Variants in ETV6 observed in about 807,000 individuals in gnomAD.
ETV6 encodes the protein ETS variant transcription factor 6.
Under a neutral mutation model 51.1 loss-of-function variants are expected in ETV6, and 16 were observed. That is an observed-to-expected ratio of 0.31 (90% CI 0.21 to 0.48). The LOEUF is 0.48. Ranked by LOEUF, ETV6 falls within the 20% of genes least tolerant of loss-of-function variation. ETV6 has a pLI of 0.99. For missense variants in ETV6, 458 were observed against 594.8 expected, an observed-to-expected ratio of 0.77 and a Z score of 2.39; for synonymous variants, 240 against 224.1, an observed-to-expected ratio of 1.07 and a Z score of -0.64.
intron 2 of ETV6, among the ~76,000 whole-genome samples, chr12:11,830,971 C>G (rs1203762105): frequency 6.6e-6 from 1 of 152,122 alleles, no homozygotes; most frequent in Non-Finnish European, 1.5e-5. Flanking sequence ...GTTTTCTTGA[C>G]TTAAGACAAA....
chr12:11,746,339 T>A (rs1194124872), intron 1 of ETV6, among the ~76,000 whole-genome samples: 1 of 152,240 alleles, frequency 6.6e-6, no homozygotes, highest in Non-Finnish European at 1.5e-5. Context: ...AGCTAGTGAC[T>A]GGAACTGCGG....
intron 1 of ETV6, among the ~76,000 whole-genome samples, chr12:11,672,841 A>G (rs1864345809): frequency 1.3e-5 from 2 of 152,330 alleles, no homozygotes; most frequent in South Asian, 4.1e-4. Flanking sequence ...GGGTGAGGGT[A>G]GGAAGGCGGT....
chr12:11,876,239 G>A lies in ETV6; in HGVS notation c.1009+6270G>A, dbSNP rs373541093. 4.1e-4 allele frequency among the ~76,000 whole-genome samples: 62 copies of A among 152,256 alleles called. 1 individual carries two copies. The South Asian group carries it at 0.011, about 27-fold the overall frequency. ...AATAAAATACTAAGTATTTAGCTACGTAAAAGAAACGATTTATTTGCACTT... is the reference window on the plus strand; with the variant it reads ...AATAAAATACTAAGTATTTAGCTACATAAAAGAAACGATTTATTTGCACTT... On this transcript the variant is annotated intron_variant, in intron 5 of 7. Coordinates refer to ENST00000396373, the MANE Select transcript of ETV6 (RefSeq NM_001987.5).
At chr12:11,682,829 G>A (rs939317000) in intron 1 of ETV6, among the ~76,000 whole-genome samples, 1 of 152,130 alleles carries the variant, frequency 6.6e-6, no homozygotes, top group Non-Finnish European at 1.5e-5. Context: ...TATTAAATAG[G>A]GAATCCTTTC....
chr12:11,752,376 A>G (rs954053344), intron 1 of ETV6, 74 bp from the exon 2 acceptor site: 7 of 1,526,722 alleles, frequency 4.6e-6, no homozygotes, highest in Non-Finnish European at 6.2e-6. Context: ...CCACCCCGAG[A>G]TGGTCTCATA....
intron 2 of ETV6, among the ~76,000 whole-genome samples, chr12:11,836,600 G>A (rs1946319897): frequency 6.6e-6 from 1 of 152,148 alleles, no homozygotes; most frequent in Admixed American, 6.5e-5. Flanking sequence ...TGTTTGGAGT[G>A]TGACTCTTCT....
At position 11,812,465 on chromosome 12, in the gene ETV6, T is replaced by C. The variant is rs146633547; in HGVS notation, c.164-26675T>C. Among the ~76,000 whole-genome samples, 725 of 152,318 alleles carry C rather than the reference T, an allele frequency of 4.8e-3. 2 individuals carry two copies. The highest frequency in any genetic ancestry group is 7.5e-3 in the Non-Finnish European group (509 of 68,026). Reference sequence around the variant, plus strand: ...CTTTAGCTCACTCCTCCCCCTGTGCTCACTCACATACTCAAATATATTTAG... The same window carrying C: ...CTTTAGCTCACTCCTCCCCCTGTGCCCACTCACATACTCAAATATATTTAG... On this transcript the variant is annotated intron_variant, in intron 2 of 7. Transcript: ENST00000396373.
intron 2 of ETV6, among the ~76,000 whole-genome samples, chr12:11,815,277 A>T (rs957538137): frequency 6.6e-6 from 1 of 152,234 alleles, no homozygotes; most frequent in African/African-American, 2.4e-5. Context: ...GCTGAGTCCT[A>T]TCCAAGCAAG....
chr12:11,693,203 G>A (rs1864800591), intron 1 of ETV6, among the ~76,000 whole-genome samples: 1 of 152,132 alleles, frequency 6.6e-6, no homozygotes, highest in African/African-American at 2.4e-5. Flanking sequence ...GGCACATGGG[G>A]CGGACGATTT....
At chr12:11,785,459 AC>A (rs1356317086) in intron 2 of ETV6, among the ~76,000 whole-genome samples, 2 of 152,100 alleles carry the variant, frequency 1.3e-5, no homozygotes, top group Non-Finnish European at 2.9e-5. Context: ...TGATTTCCTG[AC>A]TAGGATGTAA....
chr12:11,668,597 C>T (rs1226431019), intron 1 of ETV6, among the ~76,000 whole-genome samples: 1 of 152,100 alleles, frequency 6.6e-6, no homozygotes, highest in East Asian at 1.9e-4. Flanking sequence ...TTCTGAACTT[C>T]TTCGATTTTT....
intron 1 of ETV6, among the ~76,000 whole-genome samples, chr12:11,720,061 G>A: frequency 6.6e-6 from 1 of 152,234 alleles, no homozygotes; most frequent in South Asian, 2.1e-4. Flanking sequence ...AGGACTGGTG[G>A]CAGTTCATAC....
chr12:11,775,971 C>T (rs1945317783), intron 2 of ETV6, among the ~76,000 whole-genome samples: 1 of 152,104 alleles, frequency 6.6e-6, no homozygotes. Context: ...TTCTAGAGAC[C>T]CATTTCATCC....
At chr12:11,650,897 T>A (rs1863894359) in intron 1 of ETV6, among the ~76,000 whole-genome samples, 2 of 152,192 alleles carry the variant, frequency 1.3e-5, no homozygotes, top group African/African-American at 4.8e-5. Flanking sequence ...CCTTCTGTGT[T>A]TGACAGTGCA....
At chr12:11,829,779 A>T (rs1946215261) in intron 2 of ETV6, among the ~76,000 whole-genome samples, 1 of 152,238 alleles carries the variant, frequency 6.6e-6, no homozygotes, top group Non-Finnish European at 1.5e-5. Flanking sequence ...GGGCTGAAAG[A>T]CATGAGTATA....
At chr12:11,689,816 C>A (rs995014221) in intron 1 of ETV6, among the ~76,000 whole-genome samples, 5 of 102,004 alleles carry the variant, frequency 4.9e-5, no homozygotes, top group East Asian at 3.6e-4. Context: ...CCCTCCCCCC[C>A]CCCCCCACCC....
rs1293361326 is a variant in ETV6, at chr12:11,894,024, C to T, written c.*2978C>T. 6 of 225,822 alleles carry T rather than the reference C, an allele frequency of 2.7e-5. No individual in the cohort carries two copies. Among genetic ancestry groups the T allele is most frequent in the Admixed American group, 5.7e-5 (1 of 17,512 alleles). 14.0% of individuals were successfully genotyped at this position (225,822 alleles called of 1,614,324 possible). On this transcript the variant is annotated 3_prime_UTR_variant, in exon 8 of 8. Transcript: ENST00000396373. ...TTCATTTGTTCTTTATGAGAAAACC[C>T]GGGTAGTGCCAGCACCTGGATACAG...
At chr12:11,819,201 C>G (rs942136847) in intron 2 of ETV6, among the ~76,000 whole-genome samples, 5 of 152,172 alleles carry the variant, frequency 3.3e-5, no homozygotes, top group Non-Finnish European at 7.3e-5. Context: ...CGCCTCAACC[C>G]TCCGTGATCT....
At chr12:11,814,842 C>T (rs1565536443) in intron 2 of ETV6, among the ~76,000 whole-genome samples, 1 of 152,140 alleles carries the variant, frequency 6.6e-6, no homozygotes, top group Non-Finnish European at 1.5e-5. Context: ...GCAGAATGCC[C>T]CTCTTTTCGC....
Sources: allele counts gnomAD v4.1 joint callset (sites outside exome capture counted in the v4.1 genomes callset), GRCh38; gene constraint gnomAD v4.1.1; transcripts MANE v1.5; gene names NCBI Gene and HGNC (gene_info 2026-07-23, HGNC 2026-07-21).